Variants in PTPRD observed in about 807,000 individuals in gnomAD.
PTPRD encodes protein tyrosine phosphatase receptor type D.
A neutral mutation model predicts 214.5 loss-of-function variants in PTPRD; 34 were observed. The ratio of observed to expected loss-of-function variants is 0.16; its 90% CI spans 0.12 to 0.21. The LOEUF (loss-of-function observed/expected upper bound fraction) is 0.21, where lower values mean the gene tolerates loss of function less well. PTPRD is among the 10% of genes least tolerant of loss of function. The pLI, the probability that PTPRD is intolerant of heterozygous loss-of-function variation, is 1.00. For synonymous variants in PTPRD, 1,128 were observed against 845.7 expected, an observed-to-expected ratio of 1.33 and a Z score of -5.79; for missense variants, 2,545 against 2,398.7, an observed-to-expected ratio of 1.06 and a Z score of -1.27.
chr9:9,208,852 A>G (rs1031445510), intron 9 of PTPRD, among the ~76,000 whole-genome samples: 7 of 151,878 alleles, frequency 4.6e-5, no homozygotes, highest in South Asian at 2.1e-4. Flanking sequence ...CTGTCGCCAA[A>G]GCTGGAGTAC....
intron 9 of PTPRD, among the ~76,000 whole-genome samples, chr9:9,360,826 G>T (rs2055838583): frequency 6.6e-6 from 1 of 151,102 alleles, no homozygotes; most frequent in Admixed American, 6.6e-5. Flanking sequence ...ATGTGAGGAA[G>T]TGGATTTGAT....
intron 3 of PTPRD, among the ~76,000 whole-genome samples, chr9:10,199,919 A>G (rs1250308856): frequency 6.6e-6 from 1 of 151,928 alleles, no homozygotes; most frequent in Non-Finnish European, 1.5e-5. Flanking sequence ...ACGCACACAC[A>G]CACACACACA....
At chr9:10,569,562 C>G (rs991564943) in intron 2 of PTPRD, among the ~76,000 whole-genome samples, 1 of 151,252 alleles carries the variant, frequency 6.6e-6, no homozygotes, top group African/African-American at 2.4e-5. Context: ...GGCTTTTTAC[C>G]TCCATTGAGT....
chr9:8,453,633 G>C (rs1190183717), intron 33 of PTPRD, among the ~76,000 whole-genome samples: 2 of 152,228 alleles, frequency 1.3e-5, no homozygotes, highest in Non-Finnish European at 2.9e-5. Flanking sequence ...TGAACATGAG[G>C]CTTGCTGACC....
intron 3 of PTPRD, among the ~76,000 whole-genome samples, chr9:10,079,548 T>C (rs1438498598): frequency 6.6e-6 from 1 of 152,028 alleles, no homozygotes; most frequent in East Asian, 1.9e-4. Flanking sequence ...CATGTTTGAG[T>C]GTGGGCATCA....
At chr9:8,768,684 T>C (rs1180914720) in intron 11 of PTPRD, among the ~76,000 whole-genome samples, 2 of 152,212 alleles carry the variant, frequency 1.3e-5, no homozygotes, top group Non-Finnish European at 2.9e-5. Flanking sequence ...GTTGTTACTG[T>C]TTTATTTTTC....
intron 2 of PTPRD, among the ~76,000 whole-genome samples, chr9:10,510,819 T>C (rs867664491): frequency 2.0e-5 from 3 of 152,110 alleles, no homozygotes; most frequent in Non-Finnish European, 4.4e-5. Context: ...AACCGCATTT[T>C]TGTACCTATT....
At chr9:8,515,046 G>T (rs933902034) in intron 21 of PTPRD, among the ~76,000 whole-genome samples, 1 of 152,172 alleles carries the variant, frequency 6.6e-6, no homozygotes, top group East Asian at 1.9e-4. Context: ...ATGTGAAATT[G>T]TGAGTCGATT....
intron 42 of PTPRD, 62 bp from the exon 43 acceptor site, chr9:8,339,109 C>A (rs910215751): frequency 7.1e-7 from 1 of 1,417,208 alleles, no homozygotes; most frequent in South Asian, 1.5e-5. Flanking sequence ...TGTATATTAT[C>A]TATCTATCTA....
At chr9:10,576,969 T>C (rs201838218) in intron 2 of PTPRD, among the ~76,000 whole-genome samples, 1 of 5,378 alleles carries the variant, frequency 1.9e-4, no homozygotes, top group Non-Finnish European at 3.4e-4. Flanking sequence ...TTATTTCTAC[T>C]TTTTTTTTTA....
intron 9 of PTPRD, among the ~76,000 whole-genome samples, chr9:9,192,706 CA>C (rs2099935994): frequency 6.6e-6 from 1 of 152,018 alleles, no homozygotes; most frequent in African/African-American, 2.4e-5. Context: ...ATGAAATAAT[CA>C]TCCTTTTTCC....
intron 11 of PTPRD, among the ~76,000 whole-genome samples, chr9:8,770,410 T>C (rs1299060353): frequency 6.6e-6 from 1 of 152,202 alleles, no homozygotes; most frequent in Non-Finnish European, 1.5e-5. Context: ...CAAGAAAATT[T>C]ATTCAAAGAA....
At chr9:10,216,432 C>T (rs1460625835) in intron 3 of PTPRD, among the ~76,000 whole-genome samples, 1 of 151,896 alleles carries the variant, frequency 6.6e-6, no homozygotes, top group Non-Finnish European at 1.5e-5. Flanking sequence ...TCTTTATATA[C>T]ACCATTAAAA....
At chr9:8,375,322 C>A (rs1284487857) in intron 39 of PTPRD, among the ~76,000 whole-genome samples, 3 of 151,904 alleles carry the variant, frequency 2.0e-5, no homozygotes, top group Non-Finnish European at 4.4e-5. Flanking sequence ...AAAATACAAA[C>A]TATACATTTC....
At chr9:9,360,893 C>G (rs2055866915) in intron 9 of PTPRD, among the ~76,000 whole-genome samples, 1 of 150,968 alleles carries the variant, frequency 6.6e-6, no homozygotes, top group Non-Finnish European at 1.5e-5. Flanking sequence ...GGAAATATAG[C>G]TTAAGGCAAA....
At chr9:8,793,417 G>A (rs1406288737) in intron 11 of PTPRD, among the ~76,000 whole-genome samples, 1 of 152,176 alleles carries the variant, frequency 6.6e-6, no homozygotes, top group Non-Finnish European at 1.5e-5. Flanking sequence ...CAAACCTTCA[G>A]ATGACTGCAG....
intron 2 of PTPRD, among the ~76,000 whole-genome samples, chr9:10,353,487 C>G (rs1363233577): frequency 2.0e-5 from 3 of 151,874 alleles, no homozygotes; most frequent in Non-Finnish European, 4.4e-5. Flanking sequence ...ATTCTGTTCT[C>G]AAGAATACAA....
chr9:9,285,830 T>C (rs1949166469), intron 9 of PTPRD, among the ~76,000 whole-genome samples: 1 of 151,820 alleles, frequency 6.6e-6, no homozygotes. Context: ...CCTCAACTAC[T>C]CTTTGTATGT....
chr9:9,833,029 A>T (rs2055435728), intron 5 of PTPRD, among the ~76,000 whole-genome samples: 1 of 151,988 alleles, frequency 6.6e-6, no homozygotes, highest in Admixed American at 6.6e-5. Flanking sequence ...TGGAGCCAAA[A>T]TGGTAGAAAT....
Sources: allele counts gnomAD v4.1 joint callset (sites outside exome capture counted in the v4.1 genomes callset), GRCh38; gene constraint gnomAD v4.1.1; transcripts MANE v1.5; gene names NCBI Gene and HGNC (gene_info 2026-07-23, HGNC 2026-07-21).